Variants in UVSSA observed in about 807,000 individuals in gnomAD.
The protein encoded by UVSSA is UV stimulated scaffold protein A, also known as UV-stimulated scaffold protein A.
UVSSA carries 72 observed loss-of-function variants against 73.9 expected under a neutral mutation model. The ratio of observed to expected loss-of-function variants is 0.97; its 90% CI spans 0.81 to 1.19. The LOEUF (loss-of-function observed/expected upper bound fraction) is 1.19. Among genes scored for constraint, UVSSA ranks in the 50% most tolerant of loss-of-function variants. The probability of loss-of-function intolerance (pLI) is 0.00; values close to 1 mark genes in which losing one functional copy is unlikely to be tolerated. For synonymous variants in UVSSA, 454 were observed against 391.3 expected, an observed-to-expected ratio of 1.16 and a Z score of -1.89; for missense variants, 1,150 against 965.0, an observed-to-expected ratio of 1.19 and a Z score of -2.54.
At position 1,360,882 on chromosome 4, in the gene UVSSA, C is replaced by A. The variant is rs1217465818; in HGVS notation, c.1177-5438C>A. On this transcript the variant is annotated intron_variant, in intron 7 of 13. Transcript: ENST00000389851. ...GTCTGCGTGACCCCTGGTGCCTCAACCAGCTTCCTGAGCACTGCACCCAGT... is the reference window on the plus strand; with the variant it reads ...GTCTGCGTGACCCCTGGTGCCTCAAACAGCTTCCTGAGCACTGCACCCAGT... Among the ~76,000 whole-genome samples, 6 of 152,226 alleles carry A rather than the reference C, an allele frequency of 3.9e-5. 1 individual carries two copies. The South Asian group carries it at 1.2e-3, about 32-fold the overall frequency.
rs767530483 is a variant in UVSSA at position 1,380,033 on chromosome 4, G to A, written c.1569-14G>A. 6.3e-7 allele frequency: 1 copy of A among 1,589,956 alleles called. No homozygotes were observed. The highest frequency in any genetic ancestry group is 1.8e-5 in the Admixed American group (1 of 56,678). On this transcript the variant is annotated splice_polypyrimidine_tract_variant and intron_variant, in intron 10 of 13. Transcript: ENST00000389851. The stretch of plus-strand genomic sequence containing the variant: ...CCCTGCAGATGCTATGAGGGCCTCT[G>A]GCTGTGTCTGCAGGTCTGACTCCCA...
chr4:1,390,717 T>C (rs992932486), downstream of UVSSA: 5 of 152,354 alleles, frequency 3.3e-5, no homozygotes, highest in Non-Finnish European at 7.3e-5. Context: ...AGAATATCTA[T>C]CCTGCTCTTG....
intron 7 of UVSSA, among the ~76,000 whole-genome samples, chr4:1,355,587 C>T (rs1274333820): frequency 2.0e-5 from 3 of 152,234 alleles, no homozygotes; most frequent in African/African-American, 7.2e-5. Flanking sequence ...GGCACCTGTC[C>T]TGGCAGGCAC....
chr4:1,393,248 C>A (rs1015496054), exon 14 of UVSSA: 2 of 152,170 alleles, frequency 1.3e-5, no homozygotes, highest in African/African-American at 4.8e-5. Flanking sequence ...AGTTATTGTA[C>A]TTTTCTACTC....
chr4:1,379,596 C>T (rs539584941), intron 10 of UVSSA, among the ~76,000 whole-genome samples: 30 of 152,318 alleles, frequency 2.0e-4, no homozygotes, highest in Non-Finnish European at 3.1e-4. Flanking sequence ...GGTGTGCTAC[C>T]GCCCTGTCCT....
chr4:1,368,817 C>T (rs1288049698), intron 8 of UVSSA, among the ~76,000 whole-genome samples: 1 of 152,254 alleles, frequency 6.6e-6, no homozygotes, highest in Non-Finnish European at 1.5e-5. Flanking sequence ...CTGGGTCCGT[C>T]CTGGTCCAGG....
At chr4:1,370,647 G>A (rs1210081477) in intron 8 of UVSSA, among the ~76,000 whole-genome samples, 1 of 152,224 alleles carries the variant, frequency 6.6e-6, no homozygotes, top group Admixed American at 6.5e-5. Context: ...TGTAGATGGT[G>A]GGTGTGACTG....
At chr4:1,392,343 CAG>C (rs1300449031), downstream of UVSSA, 1 of 152,224 alleles carries the variant, frequency 6.6e-6, no homozygotes, top group African/African-American at 2.4e-5. Flanking sequence ...GATGTACAAA[CAG>C]AAATGAGTTT....
At chr4:1,382,123 G>A (rs189459537) in intron 12 of UVSSA, among the ~76,000 whole-genome samples, 1 of 152,352 alleles carries the variant, frequency 6.6e-6, no homozygotes, top group African/African-American at 2.4e-5. Flanking sequence ...AGAGGCAGAT[G>A]TTGAGTGCAG....
intron 7 of UVSSA, among the ~76,000 whole-genome samples, chr4:1,359,839 G>T (rs1283277848): frequency 4.2e-5 from 6 of 142,026 alleles, no homozygotes; most frequent in Admixed American, 6.8e-5. Context: ...TGTTCAGTGG[G>T]CTCCAGGATG....
rs71614970 is a variant in UVSSA at position 1,395,217 on chromosome 4, T to C, written c.*9256T>C. 0.17 allele frequency: 142,158 copies of C among 859,596 alleles called. 4,722 individuals carry two copies. The highest frequency in any genetic ancestry group is 0.2 in the Non-Finnish European group (127,581 of 631,792). The allele number at this position is 859,596 out of a possible 1,614,324, so 53.2% of individuals were successfully genotyped here. A position where few individuals can be genotyped will look rare whatever the true frequency, so the allele number is the denominator to read the frequency against. ...GTGCCCGCCTGCTCACACGTGCCGA[T>C]GCGGAGTGCCCGCCTGCTCACACGT... On this transcript the variant is annotated 3_prime_UTR_variant, in exon 14 of 14. Coordinates refer to the UVSSA transcript ENST00000511216.
intron 13 of UVSSA, chr4:1,385,549 C>T: frequency 2.6e-6 from 1 of 379,936 alleles, no homozygotes; most frequent in Non-Finnish European, 4.9e-6. Flanking sequence ...AAGGGGGAGG[C>T]TGCCCTCATC....
intron 7 of UVSSA, among the ~76,000 whole-genome samples, chr4:1,360,978 A>T (rs2109154351): frequency 6.6e-6 from 1 of 152,304 alleles, no homozygotes; most frequent in Admixed American, 6.5e-5. Context: ...AGGGGCAAAC[A>T]CCAGTTTGGC....
intron 7 of UVSSA, among the ~76,000 whole-genome samples, chr4:1,364,353 G>A (rs4974556): frequency 4.6e-5 from 5 of 108,800 alleles, no homozygotes; most frequent in South Asian, 3.0e-4. Context: ...GTGCTGGTGC[G>A]CGGGCCCCGT....
At chr4:1,363,238 G>T (rs1716889977) in intron 7 of UVSSA, among the ~76,000 whole-genome samples, 1 of 152,154 alleles carries the variant, frequency 6.6e-6, no homozygotes, top group Admixed American at 6.5e-5. Context: ...GGACCTGGCC[G>T]CTGTTACGGA....
At position 1,353,468 on chromosome 4, in the gene UVSSA, G is replaced by A. The variant is rs539989205; in HGVS notation, c.934+55G>A. On this transcript the variant is annotated intron_variant, in intron 5 of 13. Transcript: ENST00000389851. ...CCACCCTGCCCCGGCTCCCGGGTAG[G>A]CTCCTCCCTCACTGGCACCCGGCCC... 6.5e-4 allele frequency: 929 copies of A among 1,435,156 alleles called. 25 individuals are homozygous for A. In the South Asian group the frequency reaches 0.013, roughly 19 times the overall value. The allele number at this position is 1,435,156 out of a possible 1,614,324, so 88.9% of individuals were successfully genotyped here.
At chr4:1,343,297 C>A (rs897958729), upstream of UVSSA, among the ~76,000 whole-genome samples, 1 of 152,136 alleles carries the variant, frequency 6.6e-6, no homozygotes, top group African/African-American at 2.4e-5. Context: ...GTCTCTTCAT[C>A]TTACGAGGAC....
chr4:1,374,591 C>T (rs887957506), intron 8 of UVSSA, among the ~76,000 whole-genome samples: 2 of 152,194 alleles, frequency 1.3e-5, no homozygotes, highest in East Asian at 1.9e-4. Flanking sequence ...TGAGACGCAG[C>T]GCCATGGCCT....
In UVSSA at chr4:1,359,638, G is replaced by A. The variant is rs538486859; in HGVS notation, c.1176+4393G>A. Reference sequence around the variant, plus strand: ...ATACGGGTTTGTTTTTGTTCTCGCCGATGTTGAGTCTGATGTGGCAGCCAC... The same window carrying A: ...ATACGGGTTTGTTTTTGTTCTCGCCAATGTTGAGTCTGATGTGGCAGCCAC... On this transcript the variant is annotated intron_variant, in intron 7 of 13. Transcript: ENST00000389851. Among the ~76,000 whole-genome samples the A allele has an allele frequency of 2.6e-5, 4 of 152,198 alleles. No individual in the cohort carries two copies. In the South Asian group the frequency reaches 8.3e-4, roughly 32 times the overall value.
Sources: gnomAD v4.1 joint callset for allele counts (sites outside exome capture counted in the v4.1 genomes callset) on GRCh38, gnomAD v4.1.1 for gene constraint, MANE v1.5 for transcripts, NCBI Gene and HGNC (gene_info 2026-07-23, HGNC 2026-07-21) for gene names.